Variants in ANKRD18A observed in about 807,000 individuals in gnomAD.
ANKRD18A encodes the protein ankyrin repeat domain-containing protein 18A.
ANKRD18A carries 72 observed loss-of-function variants against 110.6 expected under a neutral mutation model. That is an observed-to-expected ratio of 0.65 (90% CI 0.54 to 0.79). ANKRD18A has a LOEUF of 0.79. ANKRD18A is among the 30% of genes least tolerant of loss of function. The pLI, the probability that ANKRD18A is intolerant of heterozygous loss-of-function variation, is 0.00. For synonymous variants in ANKRD18A, 305 were observed against 410.3 expected, an observed-to-expected ratio of 0.74 and a Z score of 3.10; for missense variants, 934 against 1,163.3, an observed-to-expected ratio of 0.80 and a Z score of 2.87.
downstream of ANKRD18A, chr9:38,569,279 A>G: frequency 3.2e-6 from 3 of 951,772 alleles, no homozygotes; most frequent in South Asian, 9.6e-5. Flanking sequence ...CTGTCAGCAC[A>G]GAACAGGCAC....
chr9:38,594,203 T>C (rs1824774334), intron 9 of ANKRD18A, among the ~76,000 whole-genome samples: 1 of 152,188 alleles, frequency 6.6e-6, no homozygotes, highest in Non-Finnish European at 1.5e-5. Flanking sequence ...CCTGTTGAAA[T>C]CCTTCCAACG....
At chr9:38,603,082 C>T (rs1278921371) in intron 7 of ANKRD18A, 77 bp downstream of exon 7, 1 of 1,521,218 alleles carries the variant, frequency 6.6e-7, no homozygotes, top group Non-Finnish European at 8.9e-7. Flanking sequence ...GGAAACTATA[C>T]CATTAACTAC....
chr9:38,575,771 T>C, intron 14 of ANKRD18A, 73 bp from the exon 15 acceptor site: 2 of 1,454,326 alleles, frequency 1.4e-6, no homozygotes, highest in Non-Finnish European at 1.8e-6. Flanking sequence ...TTGCATTTTT[T>C]AAAAAGTTGC....
At chr9:38,569,233 T>C (rs1244325700), downstream of ANKRD18A, 2 of 979,894 alleles carry the variant, frequency 2.0e-6, no homozygotes, top group Non-Finnish European at 1.2e-6. Context: ...CCAGAGGAGA[T>C]GCAGAATGGA....
intron 12 of ANKRD18A, among the ~76,000 whole-genome samples, chr9:38,584,556 T>C (rs1824293646): frequency 6.6e-6 from 1 of 152,210 alleles, no homozygotes; most frequent in Non-Finnish European, 1.5e-5. Context: ...GTGTGTTAAT[T>C]ACTTCTCAAT....
Position 38,615,969 on chromosome 9 carries a change from G to A in ANKRD18A, c.282C>T (p.Ile94=), listed in dbSNP as rs773954319. 2.1e-4 allele frequency: 328 copies of A among 1,585,286 alleles called. No homozygotes were observed. Among genetic ancestry groups the A allele is most frequent in the Non-Finnish European group, 2.7e-4 (309 of 1,164,694 alleles). The change falls in exon 2 of 16, where the codon ATC becomes ATT. Residue 94 remains isoleucine, a synonymous_variant. Transcript: ENST00000399703. ...TCCTGTTTAGTCTGTCACAGATGTC[G>A]ATCTGGCATCTTCTGTGCAGCAAGA... is the stretch of plus-strand genomic sequence containing the variant. ...VTLLLHRRCQ[I]DICDRLNRTP...
In ANKRD18A at chr9:38,578,087, T is replaced by G. The variant is rs1823985341; in HGVS notation, c.2309A>C (p.Asp770Ala). ...VSSECVNLAK[D>A]NEVLHQELLS... Reference sequence around the variant, plus strand: ...TAACTCCTGATGAAGAACTTCATTGTCTTTGGCCAAATTGACACATTCTGA... The same window carrying G: ...TAACTCCTGATGAAGAACTTCATTGGCTTTGGCCAAATTGACACATTCTGA... The change falls in exon 13 of 16, where the codon GAC becomes GCC. Residue 770 changes from aspartate (D) to alanine (A), a missense_variant. Coordinates refer to ENST00000399703, the MANE Select transcript of ANKRD18A (RefSeq NM_147195.4). 1 of 1,550,362 alleles carries G rather than the reference T, an allele frequency of 6.5e-7. No individual in the cohort carries two copies. Among genetic ancestry groups the G allele is most frequent in the African/African-American group, 1.4e-5 (1 of 72,950 alleles).
chr9:38,614,374 C>T (rs2118892087), intron 3 of ANKRD18A, among the ~76,000 whole-genome samples: 1 of 152,116 alleles, frequency 6.6e-6, no homozygotes, highest in South Asian at 2.1e-4. Context: ...ACTTAAACTC[C>T]TAGGCTCAAG....
chr9:38,579,939 A>G (rs1454077571), intron 12 of ANKRD18A, among the ~76,000 whole-genome samples: 1 of 152,252 alleles, frequency 6.6e-6, no homozygotes, highest in African/African-American at 2.4e-5. Flanking sequence ...ATGTCCATCA[A>G]CAAATGAATG....
At chr9:38,620,031 A>G in intron 1 of ANKRD18A, 49 bp downstream of exon 1, 1 of 1,543,248 alleles carries the variant, frequency 6.5e-7, no homozygotes, top group Non-Finnish European at 8.7e-7. Context: ...GGCTGCAGGG[A>G]AGCCGGGCCT....
Position 38,620,311 on chromosome 9 carries a change from AC to A in ANKRD18A, c.-27del. 1 of 1,544,776 alleles carries A rather than the reference AC, an allele frequency of 6.5e-7. No individual in the cohort carries two copies. The highest frequency in any genetic ancestry group is 1.8e-4 in the Middle Eastern group (1 of 5,642). On this transcript the variant is annotated 5_prime_UTR_variant, in exon 1 of 16. Coordinates refer to ENST00000399703, the MANE Select transcript of ANKRD18A (RefSeq NM_147195.4). ...GGTGGCGACTTCTCAGACGCCCACC[AC>A]CCGCTCCTGAGCCGCGGCGGCTCCT...
chr9:38,577,804 T>C (rs1179169595), intron 13 of ANKRD18A, 63 bp downstream of exon 13: 7 of 1,496,570 alleles, frequency 4.7e-6, no homozygotes, highest in Admixed American at 2.5e-5. Flanking sequence ...ATCCAAAATA[T>C]AGTTTGCAGT....
intron 5 of ANKRD18A, among the ~76,000 whole-genome samples, chr9:38,609,619 A>T (rs1019694720): frequency 7.9e-5 from 12 of 152,068 alleles, no homozygotes; most frequent in Non-Finnish European, 1.3e-4. Context: ...AGGACCAGTT[A>T]CAATGGCAGC....
At chr9:38,610,177 A>C (rs1825546302) in intron 5 of ANKRD18A, 96 bp downstream of exon 5, 1 of 1,403,624 alleles carries the variant, frequency 7.1e-7, no homozygotes, top group Non-Finnish European at 9.3e-7. Context: ...TACCTCAACC[A>C]AACTATGAAC....
chr9:38,573,551 C>T (rs1221495758), intron 15 of ANKRD18A, among the ~76,000 whole-genome samples: 4 of 151,984 alleles, frequency 2.6e-5, no homozygotes, highest in African/African-American at 9.7e-5. Flanking sequence ...CCTATCTCTA[C>T]TAAAAATACA....
intron 15 of ANKRD18A, 76 bp from the exon 16 acceptor site, chr9:38,572,135 G>C: frequency 1.8e-6 from 2 of 1,117,628 alleles, no homozygotes; most frequent in Non-Finnish European, 2.6e-6. Context: ...AAAATGTGGA[G>C]TTGAGAACGT....
chr9:38,567,377 G>A (rs1001093483), downstream of ANKRD18A: 21 of 152,150 alleles, frequency 1.4e-4, no homozygotes, highest in Admixed American at 6.5e-5. Flanking sequence ...GTGCACAATC[G>A]AGTATCTAGT....
At chr9:38,609,873 T>C (rs1806075622) in intron 5 of ANKRD18A, among the ~76,000 whole-genome samples, 1 of 150,866 alleles carries the variant, frequency 6.6e-6, no homozygotes, top group Admixed American at 6.6e-5. Flanking sequence ...TGGCTAGCAG[T>C]TTGCGAGGCC....
At position 38,620,555 on chromosome 9, in the gene ANKRD18A, G is replaced by A; in HGVS notation, c.-270C>T. The A allele has an allele frequency of 8.1e-7, 1 of 1,234,942 alleles. No individual in the cohort carries two copies. Among genetic ancestry groups the A allele is most frequent in the Non-Finnish European group, 1.0e-6 (1 of 963,180 alleles). The allele number at this position is 1,234,942 out of a possible 1,614,324, so 76.5% of individuals were successfully genotyped here. A position where few individuals can be genotyped will look rare whatever the true frequency, so the allele number is the denominator to read the frequency against. ...CGAGTGAGCCCAGCTAAGCCGTTAG[G>A]CGCGCGCCTGAACCTCAGCGCTCCG... On this transcript the variant is annotated 5_prime_UTR_variant, in exon 1 of 16. Transcript: ENST00000399703.
Sources: gnomAD v4.1 joint callset for allele counts (sites outside exome capture counted in the v4.1 genomes callset) on GRCh38, gnomAD v4.1.1 for gene constraint, MANE v1.5 for transcripts, NCBI Gene and HGNC (gene_info 2026-07-23, HGNC 2026-07-21) for gene names.